JAKMIP2: variants seen among roughly 807,000 people sequenced by gnomAD.
JAKMIP2 encodes the protein janus kinase and microtubule interacting protein 2.
JAKMIP2 carries 25 observed loss-of-function variants against 115.0 expected under a neutral mutation model. The ratio of observed to expected loss-of-function variants is 0.22; its 90% CI spans 0.16 to 0.30. The LOEUF is 0.30. Among genes scored for constraint, JAKMIP2 ranks in the 10% least tolerant of loss-of-function variants. The pLI is 1.00. For missense variants in JAKMIP2, 642 were observed against 957.6 expected (o/e 0.67, Z 4.35); for synonymous variants, 334 against 343.6 (o/e 0.97, Z 0.31).
intron 1 of JAKMIP2, among the ~76,000 whole-genome samples, chr5:147,721,629 C>T (rs1449366983): frequency 6.6e-6 from 1 of 152,180 alleles, no homozygotes; most frequent in Non-Finnish European, 1.5e-5. Context: ...CCGTCAGTCA[C>T]CCCTTTCTTT....
At chr5:147,668,471 G>C (rs1225684288) in intron 2 of JAKMIP2, among the ~76,000 whole-genome samples, 1 of 152,170 alleles carries the variant, frequency 6.6e-6, no homozygotes, top group Non-Finnish European at 1.5e-5. Flanking sequence ...CCCAAGCCTG[G>C]AGTTCTCACC....
intron 1 of JAKMIP2, among the ~76,000 whole-genome samples, chr5:147,692,010 T>C (rs1206940822): frequency 5.3e-5 from 8 of 152,106 alleles, no homozygotes; most frequent in Admixed American, 5.2e-4. Flanking sequence ...TCCAGTGTCA[T>C]TGACTCAAGG....
intron 1 of JAKMIP2, among the ~76,000 whole-genome samples, chr5:147,714,841 A>G (rs1752909519): frequency 1.3e-5 from 2 of 152,184 alleles, no homozygotes; most frequent in Non-Finnish European, 2.9e-5. Flanking sequence ...TCCTTCAAGA[A>G]TGAAGGTAAA....
At chr5:147,684,354 A>G (rs1760470965) in intron 1 of JAKMIP2, among the ~76,000 whole-genome samples, 1 of 151,972 alleles carries the variant, frequency 6.6e-6, no homozygotes, top group South Asian at 2.1e-4. Context: ...GAGGAATTGT[A>G]TCATGAGGCC....
In JAKMIP2 at chr5:147,660,935, T is replaced by C; in HGVS notation, c.627+13A>G. The C allele has an allele frequency of 6.2e-7, 1 of 1,612,964 alleles. No individual in the cohort carries two copies. The highest frequency in any genetic ancestry group is 8.5e-7 in the Non-Finnish European group (1 of 1,179,616). ...TGGGTTCTACATGGGTCTGATGGGATTACTGTACTAACCAGCCTCCGAATA... is the reference window on the plus strand; with the variant it reads ...TGGGTTCTACATGGGTCTGATGGGACTACTGTACTAACCAGCCTCCGAATA... On this transcript the variant is annotated intron_variant, in intron 3 of 21. Transcript: ENST00000616793.
At chr5:147,665,985 C>G (rs577082524) in intron 2 of JAKMIP2, among the ~76,000 whole-genome samples, 1 of 152,160 alleles carries the variant, frequency 6.6e-6, no homozygotes, top group Admixed American at 6.5e-5. Flanking sequence ...TGTATTCCAG[C>G]CTGAAGACAA....
chr5:147,622,658 T>G lies in JAKMIP2; in HGVS notation c.2064+963A>C, dbSNP rs180941577. On this transcript the variant is annotated intron_variant, in intron 17 of 21. Coordinates refer to ENST00000616793, the MANE Select transcript of JAKMIP2 (RefSeq NM_001270941.2). Reference sequence around the variant, plus strand: ...TTTTGTTTATCTGTTCATCCATTGATGGACATTTGGGTTACTTCTACCTTT... The same window carrying G: ...TTTTGTTTATCTGTTCATCCATTGAGGGACATTTGGGTTACTTCTACCTTT... 2.2e-4 allele frequency among the ~76,000 whole-genome samples: 34 copies of G among 152,370 alleles called. No homozygotes were observed. In the East Asian group the frequency reaches 5.4e-3, roughly 24 times the overall value.
At chr5:147,727,012 G>C (rs906931237) in intron 1 of JAKMIP2, among the ~76,000 whole-genome samples, 2 of 152,182 alleles carry the variant, frequency 1.3e-5, no homozygotes, top group Non-Finnish European at 2.9e-5. Flanking sequence ...TCACAATGAC[G>C]GCCTGGGTTC....
intron 1 of JAKMIP2, among the ~76,000 whole-genome samples, chr5:147,747,536 G>A (rs1398744230): frequency 1.3e-5 from 2 of 152,044 alleles, no homozygotes; most frequent in South Asian, 2.1e-4. Flanking sequence ...TCTACCTCAG[G>A]ACCCCATTAT....
chr5:147,667,256 A>G lies in JAKMIP2; in HGVS notation c.129+4422T>C, dbSNP rs371904194. Among the ~76,000 whole-genome samples, 12 of 152,116 alleles carry G rather than the reference A, an allele frequency of 7.9e-5. 1 individual carries two copies. The East Asian group carries it at 1.2e-3, about 15-fold the overall frequency. On this transcript the variant is annotated intron_variant, in intron 2 of 21. Coordinates refer to ENST00000616793, the MANE Select transcript of JAKMIP2 (RefSeq NM_001270941.2). ...AAATCCTTTCTACCCTAGAGGTTCTATGGGAAAAAAGATCATTAGAAAAGT... is the reference window on the plus strand; with the variant it reads ...AAATCCTTTCTACCCTAGAGGTTCTGTGGGAAAAAAGATCATTAGAAAAGT...
chr5:147,706,915 T>G (rs563037630), intron 1 of JAKMIP2, among the ~76,000 whole-genome samples: 2 of 152,190 alleles, frequency 1.3e-5, no homozygotes, highest in Non-Finnish European at 2.9e-5. Context: ...CTTAATGATT[T>G]GCCCAGAGAA....
chr5:147,662,241 TGAA>T (rs1024852546), intron 2 of JAKMIP2, among the ~76,000 whole-genome samples: 11 of 151,858 alleles, frequency 7.2e-5, no homozygotes, highest in African/African-American at 1.9e-4. Flanking sequence ...CTCTCTCTGA[TGAA>T]GGACTTTAGT....
chr5:147,771,083 T>C (rs893625282), intron 1 of JAKMIP2, among the ~76,000 whole-genome samples: 2 of 152,174 alleles, frequency 1.3e-5, no homozygotes, highest in African/African-American at 2.4e-5. Context: ...GATGAATATG[T>C]AACAATAACA....
At chr5:147,726,478 TG>T (rs1409413643) in intron 1 of JAKMIP2, among the ~76,000 whole-genome samples, 1 of 152,238 alleles carries the variant, frequency 6.6e-6, no homozygotes, top group Non-Finnish European at 1.5e-5. Flanking sequence ...TGTGCATAAC[TG>T]GTTGAATAAA....
chr5:147,738,922 T>C (rs1186022848), intron 1 of JAKMIP2, among the ~76,000 whole-genome samples: 2 of 152,186 alleles, frequency 1.3e-5, no homozygotes, highest in African/African-American at 4.8e-5. Flanking sequence ...TAAAATGTTT[T>C]GAGAATCAGT....
chr5:147,730,947 G>T (rs1274358990), intron 1 of JAKMIP2, among the ~76,000 whole-genome samples: 2 of 152,098 alleles, frequency 1.3e-5, no homozygotes, highest in Non-Finnish European at 2.9e-5. Context: ...TGTCACAGTG[G>T]TCCCTATATT....
chr5:147,700,327 AAATT>A (rs1181957615), intron 1 of JAKMIP2, among the ~76,000 whole-genome samples: 1 of 152,170 alleles, frequency 6.6e-6, no homozygotes. Flanking sequence ...TTATAATTGA[AAATT>A]AAATGGATGG....
chr5:147,724,719 T>C (rs1234047648), intron 1 of JAKMIP2, among the ~76,000 whole-genome samples: 2 of 152,192 alleles, frequency 1.3e-5, no homozygotes, highest in Non-Finnish European at 2.9e-5. Flanking sequence ...GTACCCACCC[T>C]ATCTTCCTTC....
chr5:147,637,239 C>T (rs556130848), intron 10 of JAKMIP2, among the ~76,000 whole-genome samples, 191 bp from the exon 11 acceptor site: 1 of 152,202 alleles, frequency 6.6e-6, no homozygotes, highest in South Asian at 2.1e-4. Context: ...AGTATTCAAA[C>T]TCGTTAGCTT....
Sources: allele counts gnomAD v4.1 joint callset (sites outside exome capture counted in the v4.1 genomes callset), GRCh38; gene constraint gnomAD v4.1.1; transcripts MANE v1.5; gene names NCBI Gene and HGNC (gene_info 2026-07-23, HGNC 2026-07-21).